The following CPSF6 variants were observed in gnomAD, a reference collection of about 807,000 sequenced individuals.
CPSF6 encodes the protein cleavage and polyadenylation specificity factor subunit 6.
In CPSF6, 10 loss-of-function variants were observed where a neutral mutation model predicts 56.7. The observed-to-expected ratio is 0.18, with a 90% CI of 0.11 to 0.30. The LOEUF (loss-of-function observed/expected upper bound fraction) is 0.30, where lower values mean the gene tolerates loss of function less well. CPSF6 is among the 10% of genes least tolerant of loss of function. The pLI is 1.00. For synonymous variants in CPSF6, 248 were observed against 244.8 expected, an observed-to-expected ratio of 1.01 and a Z score of -0.12; for missense variants, 419 against 722.9, an observed-to-expected ratio of 0.58 and a Z score of 4.82.
chr12:69,245,814 G>A lies in CPSF6; in HGVS notation c.61-5315G>A, dbSNP rs141505299. Among the ~76,000 whole-genome samples the A allele has an allele frequency of 1.1e-3, 171 of 152,290 alleles. 1 individual carries two copies. The highest frequency in any genetic ancestry group is 3.7e-3 in the African/African-American group (155 of 41,550). ...TAAAATGGAAGTGTAGGCCAGGTGC[G>A]GTGGCTCATGCCTATAATTCCAGCA... On this transcript the variant is annotated intron_variant, in intron 1 of 9. Transcript: ENST00000435070.
In CPSF6 at chr12:69,258,875, C is replaced by T; in HGVS notation, c.980C>T (p.Pro327Leu). ...PPPPGPFPPR[P>L]PGPLGPPLTL... is the part of the protein sequence containing the mutation. ...CCTCCAGGCCCCTTTCCACCTCGTC[C>T]ACCCGGTCCACTTGGGCCACCCCTT... Residue 327 changes from proline to leucine, a missense_variant, in exon 6 of 10, where the codon CCA (proline) becomes CTA (leucine). Pro to Leu is a moderately conservative substitution (Grantham distance 98). This residue lies in a region of CPSF6 where 211 missense variants were observed against 296.0 expected (regional missense o/e 0.71). Coordinates refer to ENST00000435070, the MANE Select transcript of CPSF6 (RefSeq NM_007007.3). The surrounding 1 kb of genome is among the most constrained non-coding windows in gnomAD (Gnocchi z 4.2). The T allele has an allele frequency of 6.2e-7, 1 of 1,614,134 alleles. No homozygotes were observed. The highest frequency in any genetic ancestry group is 2.2e-5 in the East Asian group (1 of 44,882).
chr12:69,264,801 C>G (rs1205548793), intron 9 of CPSF6, among the ~76,000 whole-genome samples: 1 of 152,038 alleles, frequency 6.6e-6, no homozygotes, highest in African/African-American at 2.4e-5. Context: ...ATCTTTAAAA[C>G]AAAAGCTATC....
At position 69,251,238 on chromosome 12, in the gene CPSF6, C is replaced by A. The variant is rs1872227112; in HGVS notation, c.170C>A (p.Pro57Gln). ...GACCGAGATTACATGGATACTCTCC[C>A]ACCAACTGTTGGTGATGATGTGGGT... ...PEDRDYMDTL[P>Q]PTVGDDVGKG... The change falls in exon 2 of 10, where the codon CCA becomes CAA. Residue 57 changes from proline (P) to glutamine (Q), a missense_variant. By Grantham distance (76) the Pro-to-Gln change is moderately conservative. This residue lies in a region of CPSF6 where 125 missense variants were observed against 216.4 expected (regional missense o/e 0.58). Transcript: ENST00000435070. 1 of 1,613,116 alleles carries A rather than the reference C, an allele frequency of 6.2e-7. No individual in the cohort carries two copies. The highest frequency in any genetic ancestry group is 2.2e-5 in the East Asian group (1 of 44,870).
At chr12:69,263,008 A>G (rs1362516782) in intron 9 of CPSF6, among the ~76,000 whole-genome samples, 1 of 152,142 alleles carries the variant, frequency 6.6e-6, no homozygotes, top group East Asian at 1.9e-4. Flanking sequence ...GTCCCTAAAA[A>G]TTTATGAGAA....
chr12:69,255,881 G>T (rs1425574452), intron 3 of CPSF6, among the ~76,000 whole-genome samples: 1 of 152,168 alleles, frequency 6.6e-6, no homozygotes, highest in East Asian at 1.9e-4. Context: ...AGCCACCCTA[G>T]TGGGTATGGG....
At chr12:69,264,816 A>G (rs1025589794) in intron 9 of CPSF6, among the ~76,000 whole-genome samples, 6 of 152,166 alleles carry the variant, frequency 3.9e-5, no homozygotes, top group Admixed American at 2.6e-4. Context: ...GCTATCTGCA[A>G]ATTTGATCAC....
rs1375238989 is a variant in CPSF6, at chr12:69,273,195, A to G, written c.*3687A>G. ...CTCTTCTTTCTTGGCATTAGAAAGA[A>G]GCAATATGAATTTTTGTGAATATTC... On this transcript the variant is annotated 3_prime_UTR_variant, in exon 10 of 10. Coordinates refer to ENST00000435070, the MANE Select transcript of CPSF6 (RefSeq NM_007007.3). 1 of 518,132 alleles carries G rather than the reference A, an allele frequency of 1.9e-6. No individual in the cohort carries two copies. Among genetic ancestry groups the G allele is most frequent in the South Asian group, 1.5e-5 (1 of 68,368 alleles). The allele number at this position is 518,132 out of a possible 1,614,324, so 32.1% of individuals were successfully genotyped here. A position where few individuals can be genotyped will look rare whatever the true frequency, so the allele number is the denominator to read the frequency against.
intron 9 of CPSF6, among the ~76,000 whole-genome samples, 185 bp from the exon 10 acceptor site, chr12:69,269,327 C>T (rs1374476340): frequency 6.6e-6 from 1 of 151,854 alleles, no homozygotes; most frequent in Non-Finnish European, 1.5e-5. Flanking sequence ...TCAGTTTAAT[C>T]ATCAGGTAAA....
rs561029513 is a variant in CPSF6, at chr12:69,259,616, A to G, written c.1315+73A>G. On this transcript the variant is annotated intron_variant, in intron 7 of 9. Transcript: ENST00000435070. ...TGACCTAAAAATGTAAGTACAATCTAGAAGATAGGTCATTTACATGTAGTA... is the reference window on the plus strand; with the variant it reads ...TGACCTAAAAATGTAAGTACAATCTGGAAGATAGGTCATTTACATGTAGTA... 7 of 1,229,618 alleles carry G rather than the reference A, an allele frequency of 5.7e-6. No individual in the cohort carries two copies. The African/African-American group carries it at 6.1e-5, about 11-fold the overall frequency. The allele number at this position is 1,229,618 out of a possible 1,614,324, so 76.2% of individuals were successfully genotyped here.
At chr12:69,245,833 T>TC (rs1871876223) in intron 1 of CPSF6, among the ~76,000 whole-genome samples, 1 of 152,144 alleles carries the variant, frequency 6.6e-6, no homozygotes, top group Admixed American at 6.5e-5. Flanking sequence ...TGCCTATAAT[T>TC]CCAGCAGTTT....
intron 9 of CPSF6, among the ~76,000 whole-genome samples, chr12:69,263,503 TA>T (rs1229087973): frequency 6.6e-6 from 1 of 152,058 alleles, no homozygotes; most frequent in Non-Finnish European, 1.5e-5. Context: ...GGTTATTCTG[TA>T]AATTAAAATA....
At chr12:69,266,846 A>G (rs561255188) in intron 9 of CPSF6, among the ~76,000 whole-genome samples, 174 of 152,286 alleles carry the variant, frequency 1.1e-3, no homozygotes, top group African/African-American at 4.0e-3. Flanking sequence ...GAGTAATAAA[A>G]TGCTTTACTT....
intron 9 of CPSF6, among the ~76,000 whole-genome samples, chr12:69,265,536 G>T (rs1872933975): frequency 1.3e-5 from 2 of 150,214 alleles, no homozygotes; most frequent in Admixed American, 6.6e-5. Flanking sequence ...AATCATCCAT[G>T]ACAATTTTTA....
At chr12:69,268,456 T>G (rs1028638571) in intron 9 of CPSF6, among the ~76,000 whole-genome samples, 1 of 151,520 alleles carries the variant, frequency 6.6e-6, no homozygotes, top group Middle Eastern at 3.4e-3. Context: ...ATAGAAAAAT[T>G]TATAGCAGTG....
chr12:69,248,578 T>C (rs538502342), intron 1 of CPSF6, among the ~76,000 whole-genome samples: 4 of 152,338 alleles, frequency 2.6e-5, no homozygotes, highest in Non-Finnish European at 5.9e-5. Flanking sequence ...TTTTTCCTAA[T>C]TTCTGTGGTC....
At chr12:69,243,092 C>CA (rs112330564) in intron 1 of CPSF6, among the ~76,000 whole-genome samples, 3,707 of 146,634 alleles carry the variant, frequency 0.025, 165 homozygotes, top group African/African-American at 0.086. Context: ...GACCCTGTCT[C>CA]AAAAAAAAAA....
chr12:69,262,268 T>G (rs914194538), intron 8 of CPSF6, 105 bp from the exon 9 acceptor site: 3 of 1,376,424 alleles, frequency 2.2e-6, no homozygotes, highest in Non-Finnish European at 2.9e-6. Context: ...TAAACCAGAT[T>G]TACAAAGAAT....
At chr12:69,257,987 A>G (rs773835631) in intron 5 of CPSF6, 82 bp downstream of exon 5, 14 of 1,550,870 alleles carry the variant, frequency 9.0e-6, no homozygotes, top group Non-Finnish European at 1.1e-5. Context: ...CAAGTAATGC[A>G]TTATTAATGT....
At position 69,274,338 on chromosome 12, in the gene CPSF6, TAAAAC is replaced by T. The variant is rs1318655431; in HGVS notation, c.*4834_*4838del. 2.6e-5 allele frequency: 4 copies of T among 152,058 alleles called. No homozygotes were observed. Among genetic ancestry groups the T allele is most frequent in the Non-Finnish European group, 5.9e-5 (4 of 67,936 alleles). The allele number at this position is 152,058 out of a possible 1,614,324, so 9.4% of individuals were successfully genotyped here. On this transcript the variant is annotated 3_prime_UTR_variant, in exon 10 of 10. Transcript: ENST00000435070. ...CATGGTATTTATCTTGTATTGAAAA[TAAAAC>T]AAACTTTTGATAAGACTTTGCAGTT...
Sources: allele counts gnomAD v4.1 joint callset (sites outside exome capture counted in the v4.1 genomes callset), GRCh38; gene constraint gnomAD v4.1.1; regional missense constraint gnomAD v4.1.1; non-coding constraint Gnocchi (gnomAD v3.1); transcripts MANE v1.5; gene names NCBI Gene and HGNC (gene_info 2026-07-23, HGNC 2026-07-21).